The following SDK2 variants were observed in gnomAD, a reference collection of about 807,000 sequenced individuals.
The protein encoded by SDK2 is sidekick cell adhesion molecule 2.
A neutral mutation model predicts 253.9 loss-of-function variants in SDK2; 105 were observed. The observed-to-expected ratio is 0.41, with a 90% confidence interval of 0.35 to 0.49. The LOEUF (loss-of-function observed/expected upper bound fraction) is 0.49, where lower values mean the gene tolerates loss of function less well. Among genes scored for constraint, SDK2 ranks in the 20% least tolerant of loss-of-function variants. The probability of loss-of-function intolerance (pLI) is 0.06; values close to 1 mark genes in which losing one functional copy is unlikely to be tolerated. For synonymous variants in SDK2, 1,249 were observed against 1,234.9 expected (o/e 1.01, Z -0.24); for missense variants, 2,608 against 3,003.0 (o/e 0.87, Z 3.07).
At position 73,507,461 on chromosome 17, in the gene SDK2, C is replaced by T. The variant is rs1012626144; in HGVS notation, c.201G>A (p.Leu67=). 2.6e-6 allele frequency: 4 copies of T among 1,551,320 alleles called. No individual in the cohort carries two copies. Among genetic ancestry groups the T allele is most frequent in the Non-Finnish European group, 3.5e-6 (4 of 1,146,874 alleles). The change falls in exon 2 of 45, where the codon CTG becomes CTA. Residue 67 remains leucine (L), a synonymous_variant. Transcript: ENST00000392650. ...EFKWLHNNRE[L]TKFSLEYRYM... ...ACCTGTATTCCAGGGAGAACTTGGT[C>T]AGCTCCCTGTTGTTGTGGAGCCACT...
At chr17:73,484,729 C>T (rs1054289025) in intron 2 of SDK2, among the ~76,000 whole-genome samples, 1 of 152,220 alleles carries the variant, frequency 6.6e-6, no homozygotes, top group African/African-American at 2.4e-5. Flanking sequence ...GCTCTGGGGG[C>T]CCCAGGTGTT....
rs146262294 is a variant in SDK2, at chr17:73,481,853, G to A, written c.225-9635C>T. ...TTTCTTGGGTTTCCAGCTTGCAGGC[G>A]GCAGTTGGTGTTCTTGGCTGGCCTC... On this transcript the variant is annotated intron_variant, in intron 2 of 44. Coordinates refer to ENST00000392650, the MANE Select transcript of SDK2 (RefSeq NM_001144952.2). The surrounding 1 kb of genome is among the most constrained non-coding windows in gnomAD (Gnocchi z 4.5). Among the ~76,000 whole-genome samples, 28 of 152,290 alleles carry A rather than the reference G, an allele frequency of 1.8e-4. No individual in the cohort carries two copies. The East Asian group carries it at 5.0e-3, about 27-fold the overall frequency.
At chr17:73,372,479 A>T (rs976182130) in intron 36 of SDK2, among the ~76,000 whole-genome samples, 1 of 152,204 alleles carries the variant, frequency 6.6e-6, no homozygotes, top group Non-Finnish European at 1.5e-5. Flanking sequence ...AGGGGCAAGC[A>T]TGGGAGTGCA....
intron 2 of SDK2, among the ~76,000 whole-genome samples, chr17:73,501,261 T>A (rs1055250533): frequency 6.3e-5 from 5 of 79,888 alleles, no homozygotes; most frequent in African/African-American, 2.1e-4. Flanking sequence ...CACACACACA[T>A]ATTTTAGCAG....
chr17:73,379,150 C>T lies in SDK2; in HGVS notation c.4980+27G>A, dbSNP rs367948638. ...CGACCTGGCTTCTCATCCGTGCACC[C>T]CTTTGCTCTGCCCGAGGGCACCCTA... On this transcript the variant is annotated intron_variant, in intron 36 of 44. Transcript: ENST00000392650. This position sits in a 1 kb window ranked among gnomAD's most constrained non-coding sequence, Gnocchi z 4.5. 1 of 1,521,284 alleles carries T rather than the reference C, an allele frequency of 6.6e-7. No homozygotes were observed. The highest frequency in any genetic ancestry group is 8.9e-7 in the Non-Finnish European group (1 of 1,119,394). The allele number at this position is 1,521,284 out of a possible 1,614,324, so 94.2% of individuals were successfully genotyped here.
chr17:73,635,231 G>A (rs970042235), intron 1 of SDK2, among the ~76,000 whole-genome samples: 7 of 152,026 alleles, frequency 4.6e-5, no homozygotes, highest in Admixed American at 6.5e-5. Context: ...CAAGTGATCC[G>A]CCTGCCTCTG....
chr17:73,544,198 C>A (rs186328803), intron 1 of SDK2, among the ~76,000 whole-genome samples: 1 of 152,344 alleles, frequency 6.6e-6, no homozygotes, highest in East Asian at 1.9e-4. Context: ...TAAACTCCCA[C>A]AACAAACTGT....
At chr17:73,528,086 TG>T (rs2064140618) in intron 1 of SDK2, among the ~76,000 whole-genome samples, 1 of 152,036 alleles carries the variant, frequency 6.6e-6, no homozygotes, top group African/African-American at 2.4e-5. Context: ...GGTCCAGTTT[TG>T]GGCATGTTGT....
chr17:73,392,951 TA>T (rs2062940032), intron 27 of SDK2, among the ~76,000 whole-genome samples: 1 of 151,778 alleles, frequency 6.6e-6, no homozygotes, highest in Non-Finnish European at 1.5e-5. Context: ...AGTTGAAAAA[TA>T]AAGTAAAACT....
Position 73,435,106 on chromosome 17 carries a change from A to G in SDK2, c.1195+344T>C, listed in dbSNP as rs1193505770. Reference sequence around the variant, plus strand: ...AGGTCTTCTGGAATGGGGTTACTCCAGCCCTGCCTGGGAACCCAGGGATAG... The same window carrying G: ...AGGTCTTCTGGAATGGGGTTACTCCGGCCCTGCCTGGGAACCCAGGGATAG... On this transcript the variant is annotated intron_variant, in intron 9 of 44. Transcript: ENST00000392650. This position sits in a 1 kb window ranked among gnomAD's most constrained non-coding sequence, Gnocchi z 5.7. Among the ~76,000 whole-genome samples the G allele has an allele frequency of 6.6e-6, 1 of 152,182 alleles. No homozygotes were observed. The highest frequency in any genetic ancestry group is 1.9e-4 in the East Asian group (1 of 5,184).
rs928311748 is a variant in SDK2, at chr17:73,350,121, T to C, written c.6038+116A>G. The C allele has an allele frequency of 8.7e-6, 6 of 691,560 alleles. No individual in the cohort carries two copies. The Admixed American group carries it at 2.6e-4, about 30-fold the overall frequency. 42.8% of individuals were successfully genotyped at this position (691,560 alleles called of 1,614,324 possible). On this transcript the variant is annotated intron_variant, in intron 43 of 44. Transcript: ENST00000392650. ...TCCCAGCCCTGGGGCTTGAATGGTGTTTCCCAGGACAAGGTATGGCCAGGT... is the reference window on the plus strand; with the variant it reads ...TCCCAGCCCTGGGGCTTGAATGGTGCTTCCCAGGACAAGGTATGGCCAGGT...
At chr17:73,617,546 G>T (rs1452320201) in intron 1 of SDK2, among the ~76,000 whole-genome samples, 1 of 152,056 alleles carries the variant, frequency 6.6e-6, no homozygotes, top group Non-Finnish European at 1.5e-5. Context: ...TGGCTGCAGA[G>T]ATCTCTCCCT....
In SDK2 at chr17:73,612,763, A is replaced by T. The variant is rs909243179; in HGVS notation, c.64+31262T>A. Among the ~76,000 whole-genome samples the T allele has an allele frequency of 2.0e-5, 3 of 152,136 alleles. No homozygotes were observed. Among genetic ancestry groups the T allele is most frequent in the African/African-American group, 7.2e-5 (3 of 41,422 alleles). On this transcript the variant is annotated intron_variant, in intron 1 of 44. Transcript: ENST00000392650. The surrounding 1 kb of genome is among the most constrained non-coding windows in gnomAD (Gnocchi z 4.4). ...GAAACCCCGTCTCTACTAAAAATAC[A>T]AAAATTAGCTGTACCTGGTGGTGCG... is the stretch of plus-strand genomic sequence containing the variant.
intron 1 of SDK2, among the ~76,000 whole-genome samples, chr17:73,559,810 C>T (rs1214534139): frequency 6.6e-6 from 1 of 152,184 alleles, no homozygotes; most frequent in African/African-American, 2.4e-5. Context: ...CCACAAAAAC[C>T]TTGCTGAGAT....
At chr17:73,627,608 G>C (rs1281998726) in intron 1 of SDK2, among the ~76,000 whole-genome samples, 2 of 152,242 alleles carry the variant, frequency 1.3e-5, no homozygotes, top group Non-Finnish European at 2.9e-5. Context: ...CAGGTCAGGA[G>C]CACGGTGGGC....
intron 2 of SDK2, among the ~76,000 whole-genome samples, chr17:73,479,451 G>A (rs1306580835): frequency 5.3e-5 from 8 of 152,202 alleles, no homozygotes; most frequent in African/African-American, 1.7e-4. Flanking sequence ...ACTGGTGGCC[G>A]GCTAGAAAAA....
At chr17:73,386,658 G>T in intron 30 of SDK2, 110 bp from the exon 31 acceptor site, 1 of 741,190 alleles carries the variant, frequency 1.3e-6, no homozygotes. Flanking sequence ...AGGGGGCAGG[G>T]TGCCAGCCTA....
chr17:73,626,674 G>A (rs2143228561), intron 1 of SDK2, among the ~76,000 whole-genome samples: 1 of 152,322 alleles, frequency 6.6e-6, no homozygotes, highest in South Asian at 2.1e-4. Context: ...GCATCAGACA[G>A]GGCTGAGGAA....
chr17:73,624,617 T>C (rs528523820), intron 1 of SDK2, among the ~76,000 whole-genome samples: 1 of 152,228 alleles, frequency 6.6e-6, no homozygotes, highest in South Asian at 2.1e-4. Flanking sequence ...ATGCCGCACC[T>C]GGGGAATCTT....
Sources: gnomAD v4.1 joint callset for allele counts (sites outside exome capture counted in the v4.1 genomes callset) on GRCh38, gnomAD v4.1.1 for gene constraint, Gnocchi (gnomAD v3.1) non-coding constraint, MANE v1.5 for transcripts, NCBI Gene and HGNC (gene_info 2026-07-23, HGNC 2026-07-21) for gene names.